NAALADL2: variants seen among roughly 807,000 people sequenced by gnomAD.
NAALADL2 encodes the protein N-acetylated alpha-linked acidic dipeptidase like 2, also known as inactive N-acetylated-alpha-linked acidic dipeptidase-like protein 2.
Under a neutral mutation model 87.2 loss-of-function variants are expected in NAALADL2, and 76 were observed. The ratio of observed to expected loss-of-function variants is 0.87; its 90% CI spans 0.72 to 1.05. NAALADL2 has a LOEUF of 1.05. NAALADL2 is among the 50% of genes least tolerant of loss of function. NAALADL2 has a pLI of 0.00. For missense variants in NAALADL2, 1,089 were observed against 945.8 expected, an observed-to-expected ratio of 1.15 and a Z score of -1.99; for synonymous variants, 354 against 331.0, an observed-to-expected ratio of 1.07 and a Z score of -0.75.
At chr3:175,762,063 G>A (rs1748090594) in intron 13 of NAALADL2, among the ~76,000 whole-genome samples, 1 of 151,846 alleles carries the variant, frequency 6.6e-6, no homozygotes, top group South Asian at 2.1e-4. Context: ...AAAAGTTATT[G>A]TCAAACCCAA....
At chr3:174,819,365 A>G (rs1470213264) in intron 3 of NAALADL2, among the ~76,000 whole-genome samples, 1 of 145,114 alleles carries the variant, frequency 6.9e-6, no homozygotes, top group East Asian at 2.1e-4. Context: ...GTGCGTGGCT[A>G]ATATATTTAT....
intron 1 of NAALADL2, among the ~76,000 whole-genome samples, chr3:174,888,682 C>T (rs1234599173): frequency 6.6e-6 from 1 of 152,190 alleles, no homozygotes; most frequent in Non-Finnish European, 1.5e-5. Context: ...GCGCTCTGAG[C>T]ATTTGTATTC....
chr3:174,458,103 A>G (rs1001707328), intron 1 of NAALADL2, among the ~76,000 whole-genome samples: 6 of 152,178 alleles, frequency 3.9e-5, no homozygotes, highest in Non-Finnish European at 8.8e-5. Flanking sequence ...CAATTTACCT[A>G]TATAACAAAC....
chr3:175,385,656 A>C (rs544034893), intron 5 of NAALADL2, among the ~76,000 whole-genome samples: 1 of 152,282 alleles, frequency 6.6e-6, no homozygotes, highest in South Asian at 2.1e-4. Context: ...AAGAAAAGAT[A>C]AATATTTCAG....
chr3:175,236,951 C>G (rs1037947923), intron 3 of NAALADL2, among the ~76,000 whole-genome samples: 1 of 152,102 alleles, frequency 6.6e-6, no homozygotes, highest in Non-Finnish European at 1.5e-5. Context: ...ATTAGATAGC[C>G]TCACCTTCAA....
chr3:174,646,404 AGGAAT>A (rs1723784184), intron 2 of NAALADL2, among the ~76,000 whole-genome samples: 2 of 152,184 alleles, frequency 1.3e-5, no homozygotes, highest in South Asian at 4.1e-4. Flanking sequence ...GTTTGGCTGA[AGGAAT>A]GCATGAAAAC....
chr3:175,746,164 T>C (rs1323872571), intron 12 of NAALADL2, among the ~76,000 whole-genome samples: 1 of 151,100 alleles, frequency 6.6e-6, no homozygotes, highest in Non-Finnish European at 1.5e-5. Context: ...CTGACTTTTT[T>C]CTTTTTTTTT....
At chr3:175,550,803 G>A (rs1270795611) in intron 9 of NAALADL2, among the ~76,000 whole-genome samples, 1 of 152,188 alleles carries the variant, frequency 6.6e-6, no homozygotes, top group African/African-American at 2.4e-5. Flanking sequence ...GAAACTTTCT[G>A]TGTATCAGGA....
chr3:174,679,339 A>G (rs1298838895), intron 2 of NAALADL2, among the ~76,000 whole-genome samples: 1 of 152,070 alleles, frequency 6.6e-6, no homozygotes, highest in Non-Finnish European at 1.5e-5. Context: ...GAGAGTTTAA[A>G]ATTTAATTAT....
chr3:174,576,085 A>G (rs1311962879), intron 2 of NAALADL2, among the ~76,000 whole-genome samples: 1 of 151,736 alleles, frequency 6.6e-6, no homozygotes, highest in Admixed American at 6.6e-5. Context: ...CTGGTCTCGA[A>G]CTCCTGGCCT....
intron 1 of NAALADL2, among the ~76,000 whole-genome samples, chr3:174,475,977 G>T (rs1400203823): frequency 6.6e-6 from 1 of 151,762 alleles, no homozygotes. Flanking sequence ...GATTTATGAG[G>T]GGAAAACATA....
intron 5 of NAALADL2, among the ~76,000 whole-genome samples, chr3:175,436,896 T>C (rs4038734): frequency 0.65 from 49,271 of 75,460 alleles, 15,810 homozygotes; most frequent in Middle Eastern, 0.77. Flanking sequence ...TGCCATTGCT[T>C]TTGGTGTTTT....
At position 175,807,495 on chromosome 3, in the gene NAALADL2, C is replaced by G. The variant is rs372261346; in HGVS notation, c.*4292C>G. ...TTGATTACTCCAAAAATTAAGCTTT[C>G]TCTGAGGGTAACACATTGTCATCTC... On this transcript the variant is annotated 3_prime_UTR_variant, in exon 14 of 14. Coordinates refer to ENST00000454872, the MANE Select transcript of NAALADL2 (RefSeq NM_207015.3). The G allele has an allele frequency of 1.3e-5, 2 of 151,978 alleles. No homozygotes were observed. Among genetic ancestry groups the G allele is most frequent in the East Asian group, 3.9e-4 (2 of 5,170 alleles). 9.4% of individuals were successfully genotyped at this position (151,978 alleles called of 1,614,324 possible). A position where few individuals can be genotyped will look rare whatever the true frequency, so the allele number is the denominator to read the frequency against.
chr3:174,804,110 G>A (rs921887058), intron 3 of NAALADL2, among the ~76,000 whole-genome samples: 34 of 152,240 alleles, frequency 2.2e-4, no homozygotes, highest in African/African-American at 7.7e-4. Flanking sequence ...AGCATGGAAT[G>A]TTCTTCCATT....
chr3:175,009,680 C>T (rs2108798486), intron 1 of NAALADL2, among the ~76,000 whole-genome samples: 1 of 151,542 alleles, frequency 6.6e-6, no homozygotes, highest in African/African-American at 2.4e-5. Flanking sequence ...GATTAAGTTT[C>T]CTTGCTTCTA....
At chr3:174,888,086 A>G (rs1048397009) in intron 1 of NAALADL2, among the ~76,000 whole-genome samples, 1 of 152,198 alleles carries the variant, frequency 6.6e-6, no homozygotes, top group Non-Finnish European at 1.5e-5. Context: ...CTAAATGATG[A>G]AATAAGCCAG....
chr3:174,742,001 T>C (rs1363866070), intron 3 of NAALADL2, among the ~76,000 whole-genome samples: 4 of 151,716 alleles, frequency 2.6e-5, no homozygotes, highest in Admixed American at 6.6e-5. Flanking sequence ...TATTATTCTT[T>C]CCAAATGAAC....
rs74954153 is a variant in NAALADL2, at chr3:175,627,444, G to A, written c.1896+58G>A. 5.4e-3 allele frequency: 6,077 copies of A among 1,133,574 alleles called. 23 individuals are homozygous for A. The highest frequency in any genetic ancestry group is 6.6e-3 in the Non-Finnish European group (5,166 of 778,444). The allele number at this position is 1,133,574 out of a possible 1,614,324, so 70.2% of individuals were successfully genotyped here. A position where few individuals can be genotyped will look rare whatever the true frequency, so the allele number is the denominator to read the frequency against. ...AAATATTTGTTCTTCTTTATTGGTA[G>A]ATGGAGCAAAGGAACATAACCAATC... On this transcript the variant is annotated intron_variant, in intron 11 of 13. Transcript: ENST00000454872.
intron 11 of NAALADL2, among the ~76,000 whole-genome samples, chr3:175,694,280 G>T (rs369323385): frequency 1.4e-4 from 21 of 152,000 alleles, no homozygotes; most frequent in African/African-American, 5.1e-4. Flanking sequence ...TGAATACAAA[G>T]GTTTAAGTTA....
Sources: allele counts gnomAD v4.1 joint callset (sites outside exome capture counted in the v4.1 genomes callset), GRCh38; gene constraint gnomAD v4.1.1; transcripts MANE v1.5; gene names NCBI Gene and HGNC (gene_info 2026-07-23, HGNC 2026-07-21).